Variants in NCOA6 observed in about 807,000 individuals in gnomAD.
NCOA6 encodes the protein NRC RAP250.
NCOA6 carries 49 observed loss-of-function variants against 171.4 expected under a neutral mutation model. The observed-to-expected ratio is 0.29, with a 90% CI of 0.23 to 0.36. NCOA6 has a LOEUF of 0.36. Among genes scored for constraint, NCOA6 ranks in the 10% least tolerant of loss-of-function variants. NCOA6 has a pLI of 1.00. For synonymous variants in NCOA6, 910 were observed against 927.5 expected, an observed-to-expected ratio of 0.98 and a Z score of 0.34; for missense variants, 2,248 against 2,554.5, an observed-to-expected ratio of 0.88 and a Z score of 2.59.
chr20:34,737,660 A>T (rs2075998136), intron 11 of NCOA6, among the ~76,000 whole-genome samples: 3 of 152,226 alleles, frequency 2.0e-5, no homozygotes, highest in Admixed American at 2.0e-4. Context: ...GAAGATAAAG[A>T]TTATGGCATG....
intron 5 of NCOA6, among the ~76,000 whole-genome samples, chr20:34,760,153 T>C (rs897350268): frequency 1.3e-5 from 2 of 152,138 alleles, no homozygotes; most frequent in Non-Finnish European, 2.9e-5. Context: ...GGCAAGCGCC[T>C]GGATTCCTAG....
intron 1 of NCOA6, chr20:34,819,491 T>C (rs962970911): frequency 2.6e-5 from 4 of 152,192 alleles, no homozygotes; most frequent in African/African-American, 9.7e-5. Context: ...TTGCAACCTC[T>C]GCTACAGAAG....
At chr20:34,803,241 C>A (rs967665787) in intron 1 of NCOA6, among the ~76,000 whole-genome samples, 1 of 152,098 alleles carries the variant, frequency 6.6e-6, no homozygotes, top group Non-Finnish European at 1.5e-5. Flanking sequence ...GCCAAGGCGA[C>A]TGCATCACTT....
chr20:34,794,502 T>C (rs1279022036), intron 1 of NCOA6, among the ~76,000 whole-genome samples: 1 of 149,910 alleles, frequency 6.7e-6, no homozygotes, highest in Non-Finnish European at 1.5e-5. Flanking sequence ...AAAAATGAAA[T>C]GCAAAAAAAA....
chr20:34,793,594 G>C (rs925793624), intron 1 of NCOA6, among the ~76,000 whole-genome samples: 1 of 151,882 alleles, frequency 6.6e-6, no homozygotes, highest in African/African-American at 2.4e-5. Flanking sequence ...CTGCAATCCA[G>C]TCTGGGCAAG....
chr20:34,808,501 C>T (rs370565287), intron 1 of NCOA6, among the ~76,000 whole-genome samples: 73 of 143,274 alleles, frequency 5.1e-4, no homozygotes, highest in Middle Eastern at 3.8e-3. Flanking sequence ...TGCAATGGTG[C>T]GATCTTGGCT....
intron 4 of NCOA6, among the ~76,000 whole-genome samples, chr20:34,773,200 T>G (rs563386350): frequency 6.6e-6 from 1 of 152,216 alleles, no homozygotes; most frequent in African/African-American, 2.4e-5. Context: ...TGAGATCTTA[T>G]GGCCTGCAAA....
In NCOA6 at chr20:34,741,065, G is replaced by A; in HGVS notation, c.5191C>T (p.Pro1731Ser). 6.2e-7 allele frequency: 1 copy of A among 1,614,224 alleles called. No homozygotes were observed. The highest frequency in any genetic ancestry group is 8.5e-7 in the Non-Finnish European group (1 of 1,180,042). Reference protein sequence around the residue: ...SPAPNIQTGRPLVLSSRATPV... With the variant: ...SPAPNIQTGRSLVLSSRATPV... ...GTGGCTCGTGAGCTAAGGACCAAAG[G>A]TCGACCTGTCTGGATGTTTGGAGCA... is the stretch of plus-strand genomic sequence containing the variant. Residue 1731 changes from proline to serine, a missense_variant, in exon 11 of 15, where the codon CCT (proline) becomes TCT (serine). Pro to Ser is a moderately conservative substitution (Grantham distance 74, BLOSUM62 -1). Around this residue, in one of 7 missense-constraint regions of NCOA6, gnomAD observed 884 missense variants for 941.9 expected, o/e 0.94. Coordinates refer to ENST00000359003, the MANE Select transcript of NCOA6 (RefSeq NM_014071.5).
At chr20:34,821,053 G>A (rs1211582121) in intron 1 of NCOA6, 1 of 152,146 alleles carries the variant, frequency 6.6e-6, no homozygotes, top group Non-Finnish European at 1.5e-5. Context: ...ACAGAGCATG[G>A]GTAATCCAGC....
In NCOA6 at chr20:34,776,378, C is replaced by T. The variant is rs753742455; in HGVS notation, c.306G>A (p.Arg102=). 6.2e-7 allele frequency: 1 copy of T among 1,614,146 alleles called. No individual in the cohort carries two copies. Among genetic ancestry groups the T allele is most frequent in the Admixed American group, 1.7e-5 (1 of 60,016 alleles). The change falls in exon 4 of 15, where the codon CGG becomes CGA. Residue 102 remains arginine, a synonymous_variant. Transcript: ENST00000359003. ...GGATCCGTAGCCGCTCCGCTGCTTC[C>T]CGGGGGATGTTGAATGTCACACGCA... is the stretch of plus-strand genomic sequence containing the variant. ...NSVRVTFNIP[R]EAAERLRILA...
chr20:34,798,095 AG>A (rs2078140965), intron 1 of NCOA6, among the ~76,000 whole-genome samples: 2 of 152,158 alleles, frequency 1.3e-5, no homozygotes, highest in South Asian at 4.1e-4. Flanking sequence ...ACTGTCCTGA[AG>A]GGAGAGTCCT....
intron 1 of NCOA6, among the ~76,000 whole-genome samples, chr20:34,798,121 T>C (rs2078141457): frequency 6.6e-6 from 1 of 152,116 alleles, no homozygotes; most frequent in African/African-American, 2.4e-5. Context: ...CTGGCAGCAT[T>C]CATCACAACC....
At chr20:34,753,487 C>A (rs2076552755) in intron 8 of NCOA6, among the ~76,000 whole-genome samples, 1 of 151,784 alleles carries the variant, frequency 6.6e-6, no homozygotes, top group Non-Finnish European at 1.5e-5. Flanking sequence ...ATGGTCAAAT[C>A]CCGTCTCTAC....
intron 4 of NCOA6, among the ~76,000 whole-genome samples, chr20:34,773,104 T>C (rs973364337): frequency 5.9e-5 from 9 of 152,288 alleles, no homozygotes; most frequent in Admixed American, 3.9e-4. Context: ...AAATAAAGTG[T>C]TACTGAAATC....
intron 14 of NCOA6, among the ~76,000 whole-genome samples, chr20:34,719,312 C>T (rs887104113): frequency 6.6e-5 from 10 of 151,894 alleles, no homozygotes; most frequent in African/African-American, 4.8e-5. Context: ...TATTTCTATC[C>T]GAGACGTCTA....
At chr20:34,724,852 G>C (rs1050713045) in intron 14 of NCOA6, among the ~76,000 whole-genome samples, 26 of 150,982 alleles carry the variant, frequency 1.7e-4, no homozygotes, top group African/African-American at 5.8e-4. Context: ...ACAATGACGC[G>C]ATCTTGGCTC....
chr20:34,758,090 G>T lies in NCOA6; in HGVS notation c.658C>A (p.Leu220Ile). The T allele has an allele frequency of 6.2e-7, 1 of 1,610,124 alleles. No individual in the cohort carries two copies. Among genetic ancestry groups the T allele is most frequent in the Non-Finnish European group, 8.5e-7 (1 of 1,176,984 alleles). ...PASQSDAMDPLLSGLHIQQQS... is the reference protein window; with the variant it reads ...PASQSDAMDPILSGLHIQQQS... Reference sequence around the variant, plus strand: ...TGCTGTATATGGAGCCCAGAGAGGAGTGGATCCATTGCATCTGTTTAAAGA... The same window carrying T: ...TGCTGTATATGGAGCCCAGAGAGGATTGGATCCATTGCATCTGTTTAAAGA... The change falls in exon 7 of 15, where the codon CTC becomes ATC. Residue 220 changes from leucine to isoleucine, a missense_variant. Leu to Ile is a conservative substitution (Grantham distance 5, BLOSUM62 2). Coordinates refer to ENST00000359003, the MANE Select transcript of NCOA6 (RefSeq NM_014071.5).
chr20:34,797,306 C>T lies in NCOA6; in HGVS notation c.-163-4743G>A, dbSNP rs138147818. On this transcript the variant is annotated intron_variant, in intron 1 of 14. Transcript: ENST00000359003. ...CCAGCTCAGCCACAGTAGGAGAGGG[C>T]AGAGTCCTGAAGTCCCCATTCTAGA... is the stretch of plus-strand genomic sequence containing the variant. 6.6e-5 allele frequency among the ~76,000 whole-genome samples: 10 copies of T among 152,226 alleles called. No individual in the cohort carries two copies. The East Asian group carries it at 1.9e-3, about 29-fold the overall frequency.
intron 3 of NCOA6, among the ~76,000 whole-genome samples, chr20:34,780,370 T>G (rs1427744967): frequency 6.6e-6 from 1 of 152,176 alleles, no homozygotes; most frequent in Non-Finnish European, 1.5e-5. Context: ...TTATTTTTAT[T>G]TTTTTGAGAC....
Sources: gnomAD v4.1 joint callset for allele counts (sites outside exome capture counted in the v4.1 genomes callset) on GRCh38, gnomAD v4.1.1 for gene constraint, gnomAD v4.1.1 regional missense constraint, MANE v1.5 for transcripts, NCBI Gene and HGNC (gene_info 2026-07-23, HGNC 2026-07-21) for gene names.